CTNNA3: variants seen among roughly 807,000 people sequenced by gnomAD.
The protein encoded by CTNNA3 is catenin alpha 3, also known as catenin alpha-3.
In CTNNA3, 76 loss-of-function variants were observed where a neutral mutation model predicts 95.7. That is an observed-to-expected ratio of 0.79 (90% CI 0.66 to 0.96). The LOEUF (loss-of-function observed/expected upper bound fraction) is 0.96. Among genes scored for constraint, CTNNA3 ranks in the 40% least tolerant of loss-of-function variants. The probability of loss-of-function intolerance (pLI) is 0.00; values close to 1 mark genes in which losing one functional copy is unlikely to be tolerated. For missense variants in CTNNA3, 1,191 were observed against 1,089.8 expected (o/e 1.09, Z -1.31); for synonymous variants, 431 against 374.4 (o/e 1.15, Z -1.74).
rs574134873 is a variant in CTNNA3, at chr10:67,438,402, A to T, written c.579+83440T>A. ...TCCGTGAAGGCAGTACATAGACCTT[A>T]TTGGCCTCAGCATCAGATCCTGACA... On this transcript the variant is annotated intron_variant, in intron 5 of 17. Coordinates refer to ENST00000433211, the MANE Select transcript of CTNNA3 (RefSeq NM_013266.4). 3.9e-4 allele frequency among the ~76,000 whole-genome samples: 60 copies of T among 152,296 alleles called. 2 individuals are homozygous for T. The highest frequency in any genetic ancestry group is 3.9e-3 in the Admixed American group (59 of 15,300).
At chr10:66,158,350 A>G (rs913269796) in intron 13 of CTNNA3, among the ~76,000 whole-genome samples, 3 of 152,122 alleles carry the variant, frequency 2.0e-5, no homozygotes, top group Non-Finnish European at 4.4e-5. Context: ...ATGAGGATCC[A>G]GTTTCATTCT....
At chr10:67,231,366 C>A (rs1417694849) in intron 5 of CTNNA3, among the ~76,000 whole-genome samples, 2 of 152,226 alleles carry the variant, frequency 1.3e-5, no homozygotes, top group Non-Finnish European at 2.9e-5. Context: ...GGTCCCTCAC[C>A]CTTGACCCCA....
chr10:66,889,398 G>T (rs1845171430), intron 7 of CTNNA3, among the ~76,000 whole-genome samples: 1 of 152,166 alleles, frequency 6.6e-6, no homozygotes, highest in African/African-American at 2.4e-5. Context: ...GTCAATATAG[G>T]TTCAGCAATT....
chr10:67,344,082 C>G (rs1004288090), intron 5 of CTNNA3, among the ~76,000 whole-genome samples: 9 of 151,584 alleles, frequency 5.9e-5, no homozygotes, highest in African/African-American at 1.9e-4. Context: ...GCATCAATTT[C>G]AATTGAAATG....
Position 67,509,812 on chromosome 10 carries a change from T to C in CTNNA3, c.579+12030A>G, listed in dbSNP as rs540075627. 5.3e-5 allele frequency among the ~76,000 whole-genome samples: 8 copies of C among 152,324 alleles called. No individual in the cohort carries two copies. In the South Asian group the frequency reaches 1.7e-3, roughly 32 times the overall value. On this transcript the variant is annotated intron_variant, in intron 5 of 17. Transcript: ENST00000433211. ...AAGTAATTTACACTCCCACCAACAG[T>C]GTAAAAGCATTCCTGTTTCTCCACA...
Position 66,621,701 on chromosome 10 carries a change from C to T in CTNNA3, c.1365G>A (p.Leu455=), listed in dbSNP as rs1173333011. 3.1e-6 allele frequency: 5 copies of T among 1,600,744 alleles called. No homozygotes were observed. The highest frequency in any genetic ancestry group is 4.3e-6 in the Non-Finnish European group (5 of 1,169,942). ...AACTTAGTTGTCATACCTGTGGACA[C>T]AAGGTTTCCAAATGATTGGCTGCAA... ...VKIAANHLET[L]CPQIINAALA... Residue 455 remains leucine (L), a synonymous_variant, in exon 10 of 18, where the codon TTG becomes TTA. Transcript: ENST00000433211.
chr10:66,586,066 T>G (rs535395732), intron 10 of CTNNA3, among the ~76,000 whole-genome samples: 1 of 152,240 alleles, frequency 6.6e-6, no homozygotes, highest in African/African-American at 2.4e-5. Flanking sequence ...TTGTGAAGTG[T>G]CTTTCTCAGA....
intron 10 of CTNNA3, among the ~76,000 whole-genome samples, chr10:66,602,067 G>T (rs1843947225): frequency 6.6e-6 from 1 of 151,960 alleles, no homozygotes; most frequent in Admixed American, 6.6e-5. Flanking sequence ...AATCTTGATT[G>T]TAGTACAAGG....
At chr10:67,022,230 A>G in intron 7 of CTNNA3, among the ~76,000 whole-genome samples, 1 of 152,168 alleles carries the variant, frequency 6.6e-6, no homozygotes, top group East Asian at 1.9e-4. Flanking sequence ...AGGAAATTCA[A>G]AAAAGCTACA....
At chr10:67,740,739 A>C (rs1272599371) in intron 1 of CTNNA3, among the ~76,000 whole-genome samples, 1 of 151,380 alleles carries the variant, frequency 6.6e-6, no homozygotes, top group Non-Finnish European at 1.5e-5. Context: ...ACCATTGTGG[A>C]AGACAGTGTG....
At chr10:67,636,443 A>C (rs1456533101) in intron 2 of CTNNA3, among the ~76,000 whole-genome samples, 1 of 152,216 alleles carries the variant, frequency 6.6e-6, no homozygotes, top group Non-Finnish European at 1.5e-5. Flanking sequence ...CAGTAACCAA[A>C]ACAGCATGGT....
chr10:67,140,804 T>G (rs1425227912), intron 7 of CTNNA3, among the ~76,000 whole-genome samples: 1 of 152,188 alleles, frequency 6.6e-6, no homozygotes, highest in African/African-American at 2.4e-5. Context: ...CTTTTGTTAT[T>G]CCTTTTCCTG....
intron 13 of CTNNA3, among the ~76,000 whole-genome samples, chr10:66,249,875 A>T (rs2090481239): frequency 6.6e-6 from 1 of 152,106 alleles, no homozygotes; most frequent in African/African-American, 2.4e-5. Flanking sequence ...ACTAACATAC[A>T]ATCCAGCAAT....
intron 11 of CTNNA3, among the ~76,000 whole-genome samples, chr10:66,471,805 T>G (rs1839143928): frequency 6.6e-6 from 1 of 151,842 alleles, no homozygotes; most frequent in African/African-American, 2.4e-5. Context: ...TAAAACGCTT[T>G]CCCATGCTGT....
At chr10:67,664,232 T>C (rs1268918782) in intron 1 of CTNNA3, among the ~76,000 whole-genome samples, 3 of 152,206 alleles carry the variant, frequency 2.0e-5, no homozygotes, top group African/African-American at 7.2e-5. Context: ...CTTATTTAGA[T>C]CACTCTGGTG....
chr10:66,529,448 TTG>T (rs1554812150), intron 10 of CTNNA3, among the ~76,000 whole-genome samples: 2 of 150,328 alleles, frequency 1.3e-5, no homozygotes, highest in African/African-American at 4.9e-5. Context: ...TGTTTTTTTT[TTG>T]TTTTTTTTTT....
chr10:66,951,226 C>G (rs1244849393), intron 7 of CTNNA3, among the ~76,000 whole-genome samples: 1 of 151,880 alleles, frequency 6.6e-6, no homozygotes, highest in Non-Finnish European at 1.5e-5. Context: ...AGCGATTCTC[C>G]TGCCTCAGCC....
At position 67,281,618 on chromosome 10, in the gene CTNNA3, T is replaced by C. The variant is rs1839404983; in HGVS notation, c.580-61748A>G. On this transcript the variant is annotated intron_variant, in intron 5 of 17. Coordinates refer to ENST00000433211, the MANE Select transcript of CTNNA3 (RefSeq NM_013266.4). Reference sequence around the variant, plus strand: ...CAGCAGGGACTCCTTATTAGTTAAGTTTATTTGGAATAAAAATTAATTTTC... The same window carrying C: ...CAGCAGGGACTCCTTATTAGTTAAGCTTATTTGGAATAAAAATTAATTTTC... 2.0e-5 allele frequency among the ~76,000 whole-genome samples: 3 copies of C among 152,180 alleles called. No homozygotes were observed. The South Asian group carries it at 6.2e-4, about 32-fold the overall frequency.
At chr10:67,549,665 T>TA (rs1165655174) in intron 3 of CTNNA3, among the ~76,000 whole-genome samples, 1 of 152,210 alleles carries the variant, frequency 6.6e-6, no homozygotes, top group Non-Finnish European at 1.5e-5. Flanking sequence ...CTGCCCTGTT[T>TA]ATGTGCAGCC....
Sources: gnomAD v4.1 joint callset for allele counts (sites outside exome capture counted in the v4.1 genomes callset) on GRCh38, gnomAD v4.1.1 for gene constraint, MANE v1.5 for transcripts, NCBI Gene and HGNC (gene_info 2026-07-23, HGNC 2026-07-21) for gene names.